The following SEC31A variants were observed in gnomAD, a reference collection of about 807,000 sequenced individuals.
The protein encoded by SEC31A is SEC31 homolog A, COPII component.
In SEC31A, 70 loss-of-function variants were observed where a neutral mutation model predicts 151.0. The observed-to-expected ratio is 0.46, with a 90% CI of 0.38 to 0.57. The LOEUF is 0.57. Ranked by LOEUF, SEC31A falls within the 20% of genes least tolerant of loss-of-function variation. The pLI is 0.00. For synonymous variants in SEC31A, 475 were observed against 505.9 expected (o/e 0.94, Z 0.82); for missense variants, 1,330 against 1,471.2 (o/e 0.90, Z 1.57).
intron 11 of SEC31A, 93 bp downstream of exon 11, chr4:82,864,269 A>G (rs1734818107): frequency 5.6e-6 from 5 of 893,652 alleles, no homozygotes; most frequent in Non-Finnish European, 8.7e-6. Flanking sequence ...CACTTTTTCA[A>G]TTGTTTCTTT....
chr4:82,887,505 G>C (rs1398557875), intron 1 of SEC31A, among the ~76,000 whole-genome samples: 1 of 152,194 alleles, frequency 6.6e-6, no homozygotes, highest in Non-Finnish European at 1.5e-5. Context: ...ATGGGGTCTA[G>C]GGCAGACACC....
chr4:82,899,927 T>G (rs1324552292), intron 2 of SEC31A: 1 of 152,436 alleles, frequency 6.6e-6, no homozygotes, highest in Admixed American at 6.5e-5. Context: ...AATTGAAATC[T>G]CTTCCTCAAA....
chr4:82,864,737 C>G, intron 10 of SEC31A, 139 bp from the exon 11 acceptor site: 1 of 605,744 alleles, frequency 1.7e-6, no homozygotes, highest in Non-Finnish European at 2.8e-6. Context: ...GACACCACTT[C>G]AATTTCTGTT....
chr4:82,877,753 A>C (rs755969307), intron 4 of SEC31A: 1 of 151,976 alleles, frequency 6.6e-6, no homozygotes, highest in Non-Finnish European at 1.5e-5. Flanking sequence ...GTGCAATGGC[A>C]CGATCTCAAC....
intron 16 of SEC31A, among the ~76,000 whole-genome samples, chr4:82,855,551 A>G (rs1281056716): frequency 1.3e-5 from 2 of 152,362 alleles, no homozygotes; most frequent in African/African-American, 4.8e-5. Flanking sequence ...AACTTTTATG[A>G]AAACTAATTT....
Position 82,866,828 on chromosome 4 carries a change from G to C in SEC31A, c.1177C>G (p.Pro393Ala). The change falls in exon 10 of 27, where the codon CCT (proline) becomes GCT (alanine). Residue 393 changes from proline (P) to alanine (A), a missense_variant. Coordinates refer to ENST00000395310, the MANE Select transcript of SEC31A (RefSeq NM_001077207.4). ...CCTACTGAAAAAGAAGCACCAACAG[G>C]CCTTCGAATCCACTTGGGCGGCTTC... is the stretch of plus-strand genomic sequence containing the variant. Reference protein sequence around the residue: ...LKKPPKWIRRPVGASFSFGGK... With the variant: ...LKKPPKWIRRAVGASFSFGGK... The C allele has an allele frequency of 6.2e-7, 1 of 1,604,148 alleles. No individual in the cohort carries two copies. Among genetic ancestry groups the C allele is most frequent in the Admixed American group, 1.8e-5 (1 of 56,626 alleles).
intron 22 of SEC31A, among the ~76,000 whole-genome samples, chr4:82,835,449 T>TAAA (rs1726982303): frequency 6.6e-6 from 1 of 152,238 alleles, no homozygotes; most frequent in Non-Finnish European, 1.5e-5. Flanking sequence ...TTACTCTTTT[T>TAAA]AAAACATGAC....
chr4:82,872,349 C>A (rs1453457695), intron 6 of SEC31A, among the ~76,000 whole-genome samples: 3 of 152,096 alleles, frequency 2.0e-5, no homozygotes, highest in African/African-American at 7.2e-5. Flanking sequence ...GCCACCATGC[C>A]AGCAAACTTT....
chr4:82,878,082 CATCACAGCACCA>C (rs1256190152), intron 4 of SEC31A: 1 of 152,260 alleles, frequency 6.6e-6, no homozygotes, highest in Non-Finnish European at 1.5e-5. Context: ...TTAACCTGGA[CATCACAGCACCA>C]GCCTAATGCT....
Position 82,853,670 on chromosome 4 carries a change from T to C in SEC31A, c.2054A>G (p.Gln685Arg), listed in dbSNP as rs769407365. ...RLENEGDSLL[Q>R]TQACLCYICA... ...AATATAGCAGAGACATGCTTGAGTC[T>C]GCAGGAGGCTATCTCCTTCATTTTC... The change falls in exon 18 of 27, where the codon CAG becomes CGG. Residue 685 changes from glutamine (Q) to arginine (R), a missense_variant. Transcript: ENST00000395310. 3 of 1,601,594 alleles carry C rather than the reference T, an allele frequency of 1.9e-6. No individual in the cohort carries two copies. Among genetic ancestry groups the C allele is most frequent in the Non-Finnish European group, 2.5e-6 (3 of 1,177,006 alleles).
Position 82,871,926 on chromosome 4 carries a change from G to C in SEC31A, c.782+18C>G. 4 of 1,613,962 alleles carry C rather than the reference G, an allele frequency of 2.5e-6. No individual in the cohort carries two copies. Among genetic ancestry groups the C allele is most frequent in the Non-Finnish European group, 3.4e-6 (4 of 1,179,910 alleles). On this transcript the variant is annotated intron_variant, in intron 7 of 26. Coordinates refer to ENST00000395310, the MANE Select transcript of SEC31A (RefSeq NM_001077207.4). ...AGAAAATAAACAAATCAAGTTCTTT[G>C]TAACAGCAGCACGATACCTGGCATG... is the stretch of plus-strand genomic sequence containing the variant.
At chr4:82,837,599 G>A (rs1469081001) in intron 22 of SEC31A, among the ~76,000 whole-genome samples, 1 of 152,046 alleles carries the variant, frequency 6.6e-6, no homozygotes, top group Non-Finnish European at 1.5e-5. Flanking sequence ...TGCCTAGGCT[G>A]GTCTCGAACT....
At chr4:82,888,628 G>A (rs1478504610) in intron 1 of SEC31A, among the ~76,000 whole-genome samples, 1 of 151,738 alleles carries the variant, frequency 6.6e-6, no homozygotes, top group Admixed American at 6.6e-5. Context: ...GACGGAGTTT[G>A]CAGTGAGCCG....
chr4:82,883,324 G>A (rs895094596), intron 1 of SEC31A, among the ~76,000 whole-genome samples: 1 of 152,132 alleles, frequency 6.6e-6, no homozygotes, highest in African/African-American at 2.4e-5. Context: ...ATGGTCATCT[G>A]CACGTTATTT....
intron 1 of SEC31A, among the ~76,000 whole-genome samples, chr4:82,883,722 G>A (rs374690512): frequency 7.8e-4 from 119 of 151,930 alleles, no homozygotes; most frequent in Middle Eastern, 6.8e-3. Context: ...CCAGCTACTC[G>A]GGAGGTTGAG....
At chr4:82,832,490 T>C (rs939055253) in intron 22 of SEC31A, among the ~76,000 whole-genome samples, 15 of 152,174 alleles carry the variant, frequency 9.9e-5, no homozygotes, top group African/African-American at 1.4e-4. Context: ...ACTCAGGACA[T>C]AGACATAGGC....
chr4:82,887,212 A>G (rs1284000848), intron 1 of SEC31A, among the ~76,000 whole-genome samples: 1 of 152,232 alleles, frequency 6.6e-6, no homozygotes, highest in Non-Finnish European at 1.5e-5. Context: ...CAATTATAGT[A>G]TTTCTAAGAC....
chr4:82,838,654 G>A (rs1182430474), intron 22 of SEC31A, among the ~76,000 whole-genome samples: 1 of 152,146 alleles, frequency 6.6e-6, no homozygotes, highest in Admixed American at 6.5e-5. Flanking sequence ...GGTACTTAAG[G>A]CTCTCCAAAA....
Position 82,828,999 on chromosome 4 carries a change from CCTT to C in SEC31A, c.3025_3027del (p.Lys1009del), listed in dbSNP as rs750550619. ...ATTGGATGGACATCTTTTTCTAGTA[CCTT>C]CTTCTTTTTGGGTACTCTGTTCAAA... On this transcript the variant is annotated inframe_deletion and splice_region_variant, in exon 23 of 27. Coordinates refer to ENST00000395310, the MANE Select transcript of SEC31A (RefSeq NM_001077207.4). 3 of 1,613,010 alleles carry C rather than the reference CCTT, an allele frequency of 1.9e-6. No individual in the cohort carries two copies. Among genetic ancestry groups the C allele is most frequent in the Non-Finnish European group, 8.5e-7 (1 of 1,179,076 alleles).
Sources: allele counts gnomAD v4.1 joint callset (sites outside exome capture counted in the v4.1 genomes callset), GRCh38; gene constraint gnomAD v4.1.1; transcripts MANE v1.5; gene names NCBI Gene and HGNC (gene_info 2026-07-23, HGNC 2026-07-21).